RAB8B: variants seen among roughly 807,000 people sequenced by gnomAD.
RAB8B encodes ras-related protein Rab-8B.
Under a neutral mutation model 32.0 loss-of-function variants are expected in RAB8B, and 11 were observed. That is an observed-to-expected ratio of 0.34 (90% CI 0.22 to 0.57). The LOEUF (loss-of-function observed/expected upper bound fraction) is 0.57. Among genes scored for constraint, RAB8B ranks in the 20% least tolerant of loss-of-function variants. RAB8B has a pLI of 0.86. For missense variants in RAB8B, 190 were observed against 258.5 expected (o/e 0.73, Z 1.82); for synonymous variants, 103 against 89.6 (o/e 1.15, Z -0.85).
intron 3 of RAB8B, among the ~76,000 whole-genome samples, chr15:63,252,956 C>T (rs907266595): frequency 2.6e-5 from 4 of 152,160 alleles, no homozygotes; most frequent in African/African-American, 9.7e-5. Context: ...CCATGTTGGC[C>T]GGGCTGGTCT....
chr15:63,234,044 T>C (rs2037957836), intron 1 of RAB8B, among the ~76,000 whole-genome samples: 1 of 152,088 alleles, frequency 6.6e-6, no homozygotes, highest in Admixed American at 6.5e-5. Flanking sequence ...GGGAACGAGG[T>C]ATAGAAAACC....
chr15:63,203,127 C>T (rs1240602184), intron 1 of RAB8B, among the ~76,000 whole-genome samples: 1 of 152,216 alleles, frequency 6.6e-6, no homozygotes, highest in Non-Finnish European at 1.5e-5. Context: ...TATGTGACTT[C>T]AGACATGTCA....
At position 63,219,004 on chromosome 15, in the gene RAB8B, A is replaced by ATTTTTTT. The variant is rs71131152; in HGVS notation, c.125-25729_125-25723dup. On this transcript the variant is annotated intron_variant, in intron 1 of 7. Transcript: ENST00000321437. ...AAATGATCTTTTCTTCCAGCAGTGG[A>ATTTTTTT]TTTTTTTTTTTTTTTTTTTTTTTTT... 5.9e-3 allele frequency among the ~76,000 whole-genome samples: 558 copies of ATTTTTTT among 94,588 alleles called. 110 individuals carry two copies. The highest frequency in any genetic ancestry group is 9.6e-3 in the Non-Finnish European group (482 of 50,460). 62.1% of individuals were successfully genotyped at this position (94,588 alleles called of 152,430 possible). A position where few individuals can be genotyped will look rare whatever the true frequency, so the allele number is the denominator to read the frequency against.
At chr15:63,213,820 C>T (rs530292011) in intron 1 of RAB8B, among the ~76,000 whole-genome samples, 2 of 152,168 alleles carry the variant, frequency 1.3e-5, no homozygotes, top group African/African-American at 2.4e-5. Context: ...CGGTGGCTCA[C>T]GCCTGTAATC....
rs151250544 is a variant in RAB8B at position 63,249,563 on chromosome 15, A to G, written c.186-82A>G. The G allele has an allele frequency of 9.2e-4, 1,225 of 1,332,592 alleles. 11 individuals carry two copies. In the African/African-American group the frequency reaches 0.013, roughly 14 times the overall value. 82.5% of individuals were successfully genotyped at this position (1,332,592 alleles called of 1,614,324 possible). A position where few individuals can be genotyped will look rare whatever the true frequency, so the allele number is the denominator to read the frequency against. On this transcript the variant is annotated intron_variant, in intron 2 of 7. Transcript: ENST00000321437. ...ACCACTGCACCCTGAGCAGACTAGAATTACATCTCCTACAGCAGGGTTTCT... is the reference window on the plus strand; with the variant it reads ...ACCACTGCACCCTGAGCAGACTAGAGTTACATCTCCTACAGCAGGGTTTCT...
chr15:63,196,224 G>A (rs1018437676), intron 1 of RAB8B, among the ~76,000 whole-genome samples: 1 of 152,228 alleles, frequency 6.6e-6, no homozygotes, highest in African/African-American at 2.4e-5. Flanking sequence ...CTGTGGGCTA[G>A]ATGAGGCCTG....
At chr15:63,214,464 G>A (rs1341416740) in intron 1 of RAB8B, among the ~76,000 whole-genome samples, 1 of 151,574 alleles carries the variant, frequency 6.6e-6, no homozygotes, top group Non-Finnish European at 1.5e-5. Flanking sequence ...GCTAATTTTT[G>A]TATTTTCAGT....
At chr15:63,246,166 C>A (rs2038070515) in intron 2 of RAB8B, among the ~76,000 whole-genome samples, 1 of 152,228 alleles carries the variant, frequency 6.6e-6, no homozygotes, top group Admixed American at 6.5e-5. Context: ...AGCCACTGCA[C>A]CCGGCCAATA....
chr15:63,256,042 C>T (rs1463687518), intron 4 of RAB8B, among the ~76,000 whole-genome samples: 2 of 152,074 alleles, frequency 1.3e-5, no homozygotes, highest in Non-Finnish European at 2.9e-5. Flanking sequence ...TGTTTTAATT[C>T]CAGGATAATT....
At chr15:63,194,840 C>T (rs929026824) in intron 1 of RAB8B, among the ~76,000 whole-genome samples, 2 of 152,080 alleles carry the variant, frequency 1.3e-5, no homozygotes, top group Non-Finnish European at 2.9e-5. Flanking sequence ...AAAAATAAAG[C>T]AATATGCAAA....
At chr15:63,256,080 T>A (rs1214680209) in intron 4 of RAB8B, among the ~76,000 whole-genome samples, 1 of 152,248 alleles carries the variant, frequency 6.6e-6, no homozygotes, top group African/African-American at 2.4e-5. Flanking sequence ...AATGTCTTTG[T>A]CACTTAAGAA....
At chr15:63,235,942 A>G (rs2037975478) in intron 1 of RAB8B, among the ~76,000 whole-genome samples, 1 of 152,162 alleles carries the variant, frequency 6.6e-6, no homozygotes, top group African/African-American at 2.4e-5. Flanking sequence ...TTAAAGAGGA[A>G]GTTTCCCCAC....
intron 1 of RAB8B, among the ~76,000 whole-genome samples, chr15:63,226,135 C>T (rs538268613): frequency 2.4e-4 from 37 of 152,300 alleles, no homozygotes; most frequent in Admixed American, 5.2e-4. Context: ...CCACTGTGCC[C>T]AGCCACTAAT....
intron 1 of RAB8B, among the ~76,000 whole-genome samples, chr15:63,203,765 C>T (rs2037672401): frequency 6.6e-6 from 1 of 152,188 alleles, no homozygotes; most frequent in African/African-American, 2.4e-5. Flanking sequence ...TTTGAATAAC[C>T]TTTCAAGGTC....
chr15:63,241,813 TG>T (rs1215624543), intron 1 of RAB8B, among the ~76,000 whole-genome samples: 1 of 152,078 alleles, frequency 6.6e-6, no homozygotes, highest in East Asian at 1.9e-4. Context: ...TTTGTTACAC[TG>T]GATTTGGTGG....
rs147156366 is a variant in RAB8B, at chr15:63,214,455, C to G, written c.124+24707C>G. 5.5e-3 allele frequency among the ~76,000 whole-genome samples: 842 copies of G among 151,846 alleles called. 7 individuals are homozygous for G. The highest frequency in any genetic ancestry group is 0.018 in the African/African-American group (752 of 41,408). Reference sequence around the variant, plus strand: ...TACAGGCAGGTGCCACCGTGCCTGGCTAATTTTTGTATTTTCAGTAGAGAC... The same window carrying G: ...TACAGGCAGGTGCCACCGTGCCTGGGTAATTTTTGTATTTTCAGTAGAGAC... On this transcript the variant is annotated intron_variant, in intron 1 of 7. Transcript: ENST00000321437.
chr15:63,203,267 A>T (rs2037668219), intron 1 of RAB8B, among the ~76,000 whole-genome samples: 1 of 152,266 alleles, frequency 6.6e-6, no homozygotes, highest in Non-Finnish European at 1.5e-5. Context: ...AAATGGAAAA[A>T]GTAGACATAA....
At position 63,259,676 on chromosome 15, in the gene RAB8B, G is replaced by A. The variant is rs746347562; in HGVS notation, c.464G>A (p.Ser155Asn). 23 of 1,613,876 alleles carry A rather than the reference G, an allele frequency of 1.4e-5. No individual in the cohort carries two copies. The highest frequency in any genetic ancestry group is 1.9e-5 in the Non-Finnish European group (22 of 1,179,874). Residue 155 changes from serine to asparagine, a missense_variant, in exon 6 of 8, where the codon AGT becomes AAT. Transcript: ENST00000321437. The surrounding 1 kb of genome is among the most constrained non-coding windows in gnomAD (Gnocchi z 4.4). ...IKFLETSAKS[S>N]ANVEEAFFTL... ...TTCTTGGAGACAAGCGCAAAATCCA[G>A]TGCAAATGTAGAAGAGGTAAGAAGG...
chr15:63,245,533 T>A (rs575836782), intron 2 of RAB8B, among the ~76,000 whole-genome samples: 4 of 152,340 alleles, frequency 2.6e-5, no homozygotes, highest in East Asian at 1.9e-4. Context: ...ACCTTTTTTT[T>A]AATTCTTTTT....
Sources: allele counts gnomAD v4.1 joint callset (sites outside exome capture counted in the v4.1 genomes callset), GRCh38; gene constraint gnomAD v4.1.1; non-coding constraint Gnocchi (gnomAD v3.1); transcripts MANE v1.5; gene names NCBI Gene and HGNC (gene_info 2026-07-23, HGNC 2026-07-21).